NKAIN3: variants seen among roughly 807,000 people sequenced by gnomAD.
NKAIN3 encodes sodium/potassium transporting ATPase interacting 3, also known as sodium/potassium-transporting ATPase subunit beta-1-interacting protein 3.
In NKAIN3, 25 loss-of-function variants were observed where a neutral mutation model predicts 30.2. That is an observed-to-expected ratio of 0.83 (90% CI 0.60 to 1.16). The LOEUF is 1.16. NKAIN3 is among the 50% of genes most tolerant of loss of function. The pLI, the probability that NKAIN3 is intolerant of heterozygous loss-of-function variation, is 0.00. For missense variants in NKAIN3, 225 were observed against 254.1 expected (o/e 0.89, Z 0.78); for synonymous variants, 91 against 89.6 (o/e 1.02, Z -0.09).
At chr8:62,445,582 T>C (rs1805464220) in intron 1 of NKAIN3, among the ~76,000 whole-genome samples, 2 of 152,076 alleles carry the variant, frequency 1.3e-5, no homozygotes, top group African/African-American at 4.8e-5. Flanking sequence ...AGTGAGAAGG[T>C]GAAATACAAG....
At chr8:62,823,109 T>C (rs1220378637) in intron 4 of NKAIN3, among the ~76,000 whole-genome samples, 5 of 151,946 alleles carry the variant, frequency 3.3e-5, no homozygotes, top group Non-Finnish European at 7.4e-5. Flanking sequence ...GAGTGGTGAG[T>C]GAATGTGAAG....
At chr8:62,372,553 A>C (rs1186626337) in intron 1 of NKAIN3, among the ~76,000 whole-genome samples, 3 of 152,048 alleles carry the variant, frequency 2.0e-5, no homozygotes, top group Non-Finnish European at 2.9e-5. Context: ...ATTTTGTGTC[A>C]TAATTAAGTA....
chr8:62,409,861 A>G (rs1447691194), intron 1 of NKAIN3, among the ~76,000 whole-genome samples: 1 of 151,752 alleles, frequency 6.6e-6, no homozygotes, highest in Non-Finnish European at 1.5e-5. Context: ...TTTTTGGTTC[A>G]CTACCTTATA....
At chr8:62,784,188 T>G (rs916613652) in intron 4 of NKAIN3, among the ~76,000 whole-genome samples, 1 of 151,900 alleles carries the variant, frequency 6.6e-6, no homozygotes, top group Non-Finnish European at 1.5e-5. Context: ...GAAAAAGGTT[T>G]TCAAACAATT....
intron 1 of NKAIN3, among the ~76,000 whole-genome samples, chr8:62,386,490 T>G (rs912893550): frequency 6.6e-6 from 1 of 152,210 alleles, no homozygotes; most frequent in African/African-American, 2.4e-5. Flanking sequence ...TCCTTATTGT[T>G]CTACGATCTC....
chr8:62,997,732 C>A (rs1181972710), intron 5 of NKAIN3, among the ~76,000 whole-genome samples: 1 of 146,704 alleles, frequency 6.8e-6, no homozygotes, highest in African/African-American at 2.5e-5. Flanking sequence ...TTTCAATTTA[C>A]CAAATAAATG....
chr8:62,794,873 CCTG>C (rs1817813394), intron 4 of NKAIN3, among the ~76,000 whole-genome samples: 2 of 152,116 alleles, frequency 1.3e-5, no homozygotes, highest in African/African-American at 4.8e-5. Context: ...TCTCTTGGCT[CCTG>C]CTGCTTCTTT....
intron 4 of NKAIN3, among the ~76,000 whole-genome samples, chr8:62,872,929 A>C (rs72655020): frequency 0.023 from 3,553 of 152,306 alleles, 56 homozygotes; most frequent in Middle Eastern, 0.041. Flanking sequence ...ATGAAGATCA[A>C]TGACACTATG....
chr8:62,522,809 A>G (rs1808197944), intron 1 of NKAIN3, among the ~76,000 whole-genome samples: 1 of 152,004 alleles, frequency 6.6e-6, no homozygotes, highest in South Asian at 2.1e-4. Flanking sequence ...TGTAAAGTGC[A>G]TTTGTGTTTT....
At chr8:62,259,701 G>C (rs1395349533) in intron 1 of NKAIN3, among the ~76,000 whole-genome samples, 1 of 152,162 alleles carries the variant, frequency 6.6e-6, no homozygotes, top group African/African-American at 2.4e-5. Flanking sequence ...TAGGAGAATA[G>C]ATATTTTAAG....
At chr8:62,404,990 C>T (rs974463305) in intron 1 of NKAIN3, among the ~76,000 whole-genome samples, 22 of 152,212 alleles carry the variant, frequency 1.4e-4, no homozygotes, top group African/African-American at 4.8e-4. Context: ...CTGCTGCAAC[C>T]GAGTCCTTCC....
At chr8:62,899,637 A>G (rs1408913936) in intron 4 of NKAIN3, among the ~76,000 whole-genome samples, 2 of 152,180 alleles carry the variant, frequency 1.3e-5, no homozygotes, top group Non-Finnish European at 2.9e-5. Context: ...AGGTATAAAA[A>G]AAGAAGTTAC....
intron 4 of NKAIN3, among the ~76,000 whole-genome samples, chr8:62,784,408 A>G (rs564262376): frequency 1.2e-3 from 181 of 152,158 alleles, no homozygotes; most frequent in South Asian, 8.3e-4. Flanking sequence ...GAAAAATGAA[A>G]GAAGGCATAA....
intron 1 of NKAIN3, among the ~76,000 whole-genome samples, chr8:62,559,643 G>T (rs562052342): frequency 2.0e-5 from 3 of 151,860 alleles, no homozygotes; most frequent in Non-Finnish European, 4.4e-5. Context: ...CAGTGTTATT[G>T]TTTTACCATT....
intron 3 of NKAIN3, among the ~76,000 whole-genome samples, chr8:62,612,920 A>C (rs1247810132): frequency 2.6e-5 from 4 of 151,982 alleles, no homozygotes; most frequent in African/African-American, 9.7e-5. Flanking sequence ...TTACCTTCCT[A>C]TCCTTGCTTT....
intron 3 of NKAIN3, among the ~76,000 whole-genome samples, chr8:62,593,404 A>T (rs1015929847): frequency 1.3e-5 from 2 of 151,986 alleles, no homozygotes; most frequent in African/African-American, 4.8e-5. Context: ...AGAAATGTAG[A>T]TTTAAGTTGC....
At chr8:62,660,158 G>T (rs181168681) in intron 3 of NKAIN3, among the ~76,000 whole-genome samples, 314 of 152,214 alleles carry the variant, frequency 2.1e-3, no homozygotes, top group African/African-American at 6.9e-3. Context: ...CCTGGATTGA[G>T]CACTGGAGCA....
At chr8:62,448,494 A>G (rs1315204392) in intron 1 of NKAIN3, among the ~76,000 whole-genome samples, 1 of 150,874 alleles carries the variant, frequency 6.6e-6, no homozygotes, top group Non-Finnish European at 1.5e-5. Context: ...AAAAAAAGAT[A>G]AAAAGAAAAA....
At chr8:62,728,717 G>T (rs1394977795) in intron 3 of NKAIN3, among the ~76,000 whole-genome samples, 1 of 151,538 alleles carries the variant, frequency 6.6e-6, no homozygotes, top group Non-Finnish European at 1.5e-5. Flanking sequence ...CTGGCCGGGC[G>T]CAGTGGCTCA....
Sources: gnomAD v4.1 joint callset for allele counts (sites outside exome capture counted in the v4.1 genomes callset) on GRCh38, gnomAD v4.1.1 for gene constraint, MANE v1.5 for transcripts, NCBI Gene and HGNC (gene_info 2026-07-23, HGNC 2026-07-21) for gene names.